The following BCAS3 variants were observed in gnomAD, a reference collection of about 807,000 sequenced individuals.
The protein encoded by BCAS3 is BCAS3 microtubule associated cell migration factor, also known as BCAS4/BCAS3 fusion.
BCAS3 carries 53 observed loss-of-function variants against 116.1 expected under a neutral mutation model. The ratio of observed to expected loss-of-function variants is 0.46; its 90% confidence interval spans 0.37 to 0.57. BCAS3 has a LOEUF of 0.57. Ranked by LOEUF, BCAS3 falls within the 20% of genes least tolerant of loss-of-function variation. BCAS3 has a pLI of 0.00. For synonymous variants in BCAS3, 391 were observed against 408.2 expected (o/e 0.96, Z 0.51); for missense variants, 917 against 1,165.4 (o/e 0.79, Z 3.10).
At position 61,229,629 on chromosome 17, in the gene BCAS3, T is replaced by C. The variant is rs2082553947; in HGVS notation, c.2426-138698T>C. ...CTATAGCACAGACCAATTTTCTTTGTCTAAATACAATAGTTTTCCTTCCAG... is the reference window on the plus strand; with the variant it reads ...CTATAGCACAGACCAATTTTCTTTGCCTAAATACAATAGTTTTCCTTCCAG... On this transcript the variant is annotated intron_variant, in intron 22 of 23. Coordinates refer to ENST00000407086, the MANE Select transcript of BCAS3 (RefSeq NM_017679.5). The surrounding 1 kb of genome is among the most constrained non-coding windows in gnomAD (Gnocchi z 4.4). Among the ~76,000 whole-genome samples the C allele has an allele frequency of 6.6e-6, 1 of 152,178 alleles. No homozygotes were observed. Among genetic ancestry groups the C allele is most frequent in the Non-Finnish European group, 1.5e-5 (1 of 68,028 alleles).
At position 61,026,999 on chromosome 17, in the gene BCAS3, G is replaced by A. The variant is rs2066291915; in HGVS notation, c.1638-7667G>A. ...TTGTAGTTTTGTTTCCAGTTGCATG[G>A]CCTGATCACAGATAGATGCACCAAG... On this transcript the variant is annotated intron_variant, in intron 16 of 23. Coordinates refer to ENST00000407086, the MANE Select transcript of BCAS3 (RefSeq NM_017679.5). This position sits in a 1 kb window ranked among gnomAD's most constrained non-coding sequence, Gnocchi z 5.0. 2 of 1,185,184 alleles carry A rather than the reference G, an allele frequency of 1.7e-6. No individual in the cohort carries two copies. Among genetic ancestry groups the A allele is most frequent in the South Asian group, 1.3e-5 (1 of 74,122 alleles). The allele number at this position is 1,185,184 out of a possible 1,614,324, so 73.4% of individuals were successfully genotyped here. A position where few individuals can be genotyped will look rare whatever the true frequency, so the allele number is the denominator to read the frequency against.
intron 22 of BCAS3, among the ~76,000 whole-genome samples, chr17:61,275,919 C>T (rs151193121): frequency 9.2e-5 from 14 of 152,200 alleles, no homozygotes; most frequent in East Asian, 1.9e-4. Flanking sequence ...TTATCTGAAT[C>T]GTAGTTCCAG....
Position 61,285,281 on chromosome 17 carries a change from G to A in BCAS3, c.2426-83046G>A, listed in dbSNP as rs143454156. Among the ~76,000 whole-genome samples the A allele has an allele frequency of 2.6e-4, 38 of 146,630 alleles. No individual in the cohort carries two copies. Among genetic ancestry groups the A allele is most frequent in the African/African-American group, 9.5e-4 (36 of 37,702 alleles). ...TGTTTCTTGCTAAAATGCAGCAAAGGAAGGGGAAACAAATACAACAGTGCA... is the reference window on the plus strand; with the variant it reads ...TGTTTCTTGCTAAAATGCAGCAAAGAAAGGGGAAACAAATACAACAGTGCA... On this transcript the variant is annotated intron_variant, in intron 22 of 23. Coordinates refer to ENST00000407086, the MANE Select transcript of BCAS3 (RefSeq NM_017679.5). This position sits in a 1 kb window ranked among gnomAD's most constrained non-coding sequence, Gnocchi z 5.4.
Position 61,286,127 on chromosome 17 carries a change from A to G in BCAS3, c.2426-82200A>G, listed in dbSNP as rs1238608373. ...TGTGAGTGTGAGTCAACAGACTGCT[A>G]CAAAGTAGCTTAAACTCTGCACACA... On this transcript the variant is annotated intron_variant, in intron 22 of 23. Coordinates refer to ENST00000407086, the MANE Select transcript of BCAS3 (RefSeq NM_017679.5). The surrounding 1 kb of genome is among the most constrained non-coding windows in gnomAD (Gnocchi z 4.8). Among the ~76,000 whole-genome samples, 2 of 152,206 alleles carry G rather than the reference A, an allele frequency of 1.3e-5. No individual in the cohort carries two copies. Among genetic ancestry groups the G allele is most frequent in the African/African-American group, 4.8e-5 (2 of 41,452 alleles).
chr17:60,936,193 C>CT (rs1762718905), intron 13 of BCAS3, among the ~76,000 whole-genome samples: 1 of 151,102 alleles, frequency 6.6e-6, no homozygotes, highest in Non-Finnish European at 1.5e-5. Flanking sequence ...TGAACTCATC[C>CT]TTTTTTATGG....
At position 61,126,760 on chromosome 17, in the gene BCAS3, C is replaced by G. The variant is rs1658785571; in HGVS notation, c.2425+42196C>G. Among the ~76,000 whole-genome samples, 1 of 152,068 alleles carries G rather than the reference C, an allele frequency of 6.6e-6. No homozygotes were observed. Among genetic ancestry groups the G allele is most frequent in the Non-Finnish European group, 1.5e-5 (1 of 67,968 alleles). ...AGTGTTTTTCAAATGACTGATTATT[C>G]TTGTAACCTTTAACATGAACTGTGT... On this transcript the variant is annotated intron_variant, in intron 22 of 23. Transcript: ENST00000407086. The surrounding 1 kb of genome is among the most constrained non-coding windows in gnomAD (Gnocchi z 4.6).
Position 61,008,566 on chromosome 17 carries a change from A to G in BCAS3, c.1487-7185A>G, listed in dbSNP as rs1002838539. ...AGAGTCAAGAAGTCAGAGCTTTTCAACTACAGAATTAACTTAGTTAAACTC... is the reference window on the plus strand; with the variant it reads ...AGAGTCAAGAAGTCAGAGCTTTTCAGCTACAGAATTAACTTAGTTAAACTC... On this transcript the variant is annotated intron_variant, in intron 15 of 23. Coordinates refer to ENST00000407086, the MANE Select transcript of BCAS3 (RefSeq NM_017679.5). This position sits in a 1 kb window ranked among gnomAD's most constrained non-coding sequence, Gnocchi z 4.6. Among the ~76,000 whole-genome samples the G allele has an allele frequency of 6.6e-6, 1 of 151,578 alleles. No homozygotes were observed. Among genetic ancestry groups the G allele is most frequent in the Non-Finnish European group, 1.5e-5 (1 of 67,980 alleles).
chr17:60,948,213 A>G (rs1353947181), intron 14 of BCAS3, among the ~76,000 whole-genome samples: 1 of 151,642 alleles, frequency 6.6e-6, no homozygotes, highest in South Asian at 2.1e-4. Flanking sequence ...GGTTCGAGCA[A>G]TTTTCCTGCC....
chr17:60,984,664 A>T (rs866899783), intron 14 of BCAS3, among the ~76,000 whole-genome samples: 27 of 152,086 alleles, frequency 1.8e-4, no homozygotes, highest in African/African-American at 2.4e-4. Flanking sequence ...ATTTAAAAAA[A>T]TTTTTTGTGG....
At position 61,007,721 on chromosome 17, in the gene BCAS3, G is replaced by A. The variant is rs2064817452; in HGVS notation, c.1487-8030G>A. On this transcript the variant is annotated intron_variant, in intron 15 of 23. Transcript: ENST00000407086. The surrounding 1 kb of genome is among the most constrained non-coding windows in gnomAD (Gnocchi z 4.3). ...CCCCATCCTGTTTAAAAAAAAAAAA[G>A]AAAGATTGGATTCTTGTTTTCAAGT... Among the ~76,000 whole-genome samples, 1 of 149,878 alleles carries A rather than the reference G, an allele frequency of 6.7e-6. No individual in the cohort carries two copies. The highest frequency in any genetic ancestry group is 1.9e-4 in the East Asian group (1 of 5,130).
chr17:60,912,195 A>G (rs1313160206), intron 12 of BCAS3, among the ~76,000 whole-genome samples: 1 of 152,162 alleles, frequency 6.6e-6, no homozygotes, highest in East Asian at 1.9e-4. Flanking sequence ...AATACAATCT[A>G]GAATCAATTC....
chr17:61,185,140 T>C (rs189907598), intron 22 of BCAS3, among the ~76,000 whole-genome samples: 49 of 152,176 alleles, frequency 3.2e-4, no homozygotes, highest in African/African-American at 1.1e-3. Flanking sequence ...ACAGAAACTC[T>C]TTACCAAAAC....
chr17:61,016,172 G>A (rs1367418174), intron 16 of BCAS3, among the ~76,000 whole-genome samples: 7 of 152,260 alleles, frequency 4.6e-5, no homozygotes, highest in East Asian at 3.9e-4. Flanking sequence ...CATCTACTTC[G>A]TCTTATGCTT....
rs1378615702 is a variant in BCAS3 at position 61,029,955 on chromosome 17, T to A, written c.1638-4711T>A. Among the ~76,000 whole-genome samples, 1 of 151,974 alleles carries A rather than the reference T, an allele frequency of 6.6e-6. No homozygotes were observed. Among genetic ancestry groups the A allele is most frequent in the East Asian group, 1.9e-4 (1 of 5,194 alleles). On this transcript the variant is annotated intron_variant, in intron 16 of 23. Coordinates refer to ENST00000407086, the MANE Select transcript of BCAS3 (RefSeq NM_017679.5). This position sits in a 1 kb window ranked among gnomAD's most constrained non-coding sequence, Gnocchi z 5.2. ...AAATCTGTTAGACCTTTAAGAAAAA[T>A]TTATGACAGAATAGAATAATTTCAG...
At chr17:60,721,113 A>G (rs576960064) in intron 5 of BCAS3, among the ~76,000 whole-genome samples, 4 of 152,264 alleles carry the variant, frequency 2.6e-5, no homozygotes, top group Admixed American at 1.3e-4. Context: ...TTGGGTGCCA[A>G]TAGACCTTGC....
chr17:61,015,762 A>C lies in BCAS3; in HGVS notation c.1498A>C (p.Ser500Arg). The C allele has an allele frequency of 6.2e-7, 1 of 1,613,978 alleles. No homozygotes were observed. The highest frequency in any genetic ancestry group is 8.5e-7 in the Non-Finnish European group (1 of 1,179,902). Reference sequence around the variant, plus strand: ...TTTTCTCTTTGTAGGGAAACTGAACAGCCAAGACTCCTATAACAATTTTAC... The same window carrying C: ...TTTTCTCTTTGTAGGGAAACTGAACCGCCAAGACTCCTATAACAATTTTAC... The part of the protein sequence containing the change: ...SGSPLHGKLN[S>R]QDSYNNFTNN... The change falls in exon 16 of 24, where the codon AGC (serine) becomes CGC (arginine). Residue 500 changes from serine (S) to arginine (R), a missense_variant. Physicochemically the swap from Ser to Arg is moderately radical, Grantham distance 110 (BLOSUM62 -1). Around this residue, in one of 3 missense-constraint regions of BCAS3, gnomAD observed 807 missense variants for 1,026.0 expected, o/e 0.79. Transcript: ENST00000407086.
chr17:61,305,989 T>C lies in BCAS3; in HGVS notation c.2426-62338T>C, dbSNP rs116346387. ...GTGCAGTAGAAACAAGAGATAATCC[T>C]GTGTGCTTCCTTCTTGTTTCACTGA... On this transcript the variant is annotated intron_variant, in intron 22 of 23. Coordinates refer to ENST00000407086, the MANE Select transcript of BCAS3 (RefSeq NM_017679.5). Among the ~76,000 whole-genome samples the C allele has an allele frequency of 4.8e-3, 729 of 152,352 alleles. 8 individuals carry two copies. The highest frequency in any genetic ancestry group is 0.017 in the African/African-American group (692 of 41,590).
At position 61,056,820 on chromosome 17, in the gene BCAS3, A is replaced by G. The variant is rs1408198965; in HGVS notation, c.2029+15928A>G. Among the ~76,000 whole-genome samples, 1 of 152,232 alleles carries G rather than the reference A, an allele frequency of 6.6e-6. No individual in the cohort carries two copies. The highest frequency in any genetic ancestry group is 1.5e-5 in the Non-Finnish European group (1 of 68,038). ...AGGTGTTATCTCCATAAAAATGACC[A>G]TTGCATCCATGCACAGATTTTTTCT... On this transcript the variant is annotated intron_variant, in intron 19 of 23. Transcript: ENST00000407086. The surrounding 1 kb of genome is among the most constrained non-coding windows in gnomAD (Gnocchi z 4.9).
At position 61,151,135 on chromosome 17, in the gene BCAS3, A is replaced by G. The variant is rs190525145; in HGVS notation, c.2425+66571A>G. 2.8e-4 allele frequency among the ~76,000 whole-genome samples: 42 copies of G among 152,358 alleles called. No individual in the cohort carries two copies. Among genetic ancestry groups the G allele is most frequent in the African/African-American group, 9.4e-4 (39 of 41,580 alleles). On this transcript the variant is annotated intron_variant, in intron 22 of 23. Coordinates refer to ENST00000407086, the MANE Select transcript of BCAS3 (RefSeq NM_017679.5). The surrounding 1 kb of genome is among the most constrained non-coding windows in gnomAD (Gnocchi z 4.8). ...CTACTACTGCTATTACAGGTTGACC[A>G]TCCCAAATCCAAACATCTGAAATCT...
Sources: allele counts gnomAD v4.1 joint callset (sites outside exome capture counted in the v4.1 genomes callset), GRCh38; gene constraint gnomAD v4.1.1; regional missense constraint gnomAD v4.1.1; non-coding constraint Gnocchi (gnomAD v3.1); transcripts MANE v1.5; gene names NCBI Gene and HGNC (gene_info 2026-07-23, HGNC 2026-07-21).